PRPF31: variants seen among roughly 807,000 people sequenced by gnomAD.
The protein encoded by PRPF31 is U4/U6 small nuclear ribonucleoprotein Prp31.
Under a neutral mutation model 60.4 loss-of-function variants are expected in PRPF31, and 12 were observed. That is an observed-to-expected ratio of 0.20 (90% CI 0.13 to 0.32). The LOEUF (loss-of-function observed/expected upper bound fraction) is 0.32. PRPF31 is among the 10% of genes least tolerant of loss of function. The pLI, the probability that PRPF31 is intolerant of heterozygous loss-of-function variation, is 1.00. For missense variants in PRPF31, 431 were observed against 687.1 expected, an observed-to-expected ratio of 0.63 and a Z score of 4.17; for synonymous variants, 287 against 287.9, an observed-to-expected ratio of 1.00 and a Z score of 0.03.
intron 7 of PRPF31, 81 bp from the exon 8 acceptor site, chr19:54,124,418 G>C (rs889972871): frequency 1.5e-5 from 19 of 1,258,750 alleles, no homozygotes; most frequent in Middle Eastern, 2.0e-4. Context: ...AGCACACGTC[G>C]AGCCCCCAGG....
intron 13 of PRPF31, among the ~76,000 whole-genome samples, chr19:54,130,938 A>G (rs1366036907): frequency 7.2e-5 from 11 of 151,990 alleles, no homozygotes; most frequent in Admixed American, 7.2e-4. Context: ...GTTGGCTCCC[A>G]TTGCTGCCAC....
chr19:54,128,504 C>CG (rs769962340), intron 11 of PRPF31, 127 bp downstream of exon 11: 20 of 955,518 alleles, frequency 2.1e-5, no homozygotes, highest in Non-Finnish European at 2.8e-5. Context: ...CCCCAGCCTC[C>CG]CCCCCCCCGG....
chr19:54,120,714 G>A (rs587703776), intron 3 of PRPF31, among the ~76,000 whole-genome samples: 191 of 152,280 alleles, frequency 1.3e-3, no homozygotes, highest in Non-Finnish European at 2.0e-3. Flanking sequence ...GGGCTCAGGC[G>A]TTCCTGCCTC....
chr19:54,118,363 G>A lies in PRPF31; in HGVS notation c.85G>A (p.Glu29Lys). ...EGGSYGEEEE[E>K]PAIEDVQEET... ...AGGAAGCTATGGGGAGGAAGAAGAG[G>A]AGCCAGCGATCGAGGATGTGCAGGA... The change falls in exon 2 of 14, where the codon GAG becomes AAG. Residue 29 changes from glutamate to lysine, a missense_variant. By Grantham distance (56) the Glu-to-Lys change is moderately conservative. Transcript: ENST00000321030. The A allele has an allele frequency of 6.2e-7, 1 of 1,614,066 alleles. No individual in the cohort carries two copies. The highest frequency in any genetic ancestry group is 8.5e-7 in the Non-Finnish European group (1 of 1,180,004).
At chr19:54,124,866 C>T (rs1335175774) in intron 8 of PRPF31, 6 of 627,290 alleles carry the variant, frequency 9.6e-6, no homozygotes, top group South Asian at 5.6e-5. Flanking sequence ...GAGGCATGAG[C>T]GCCCTGTGCC....
chr19:54,128,087 G>A lies in PRPF31; in HGVS notation c.960G>A (p.Leu320=), dbSNP rs1219011067. The change falls in exon 10 of 14, where the codon CTG becomes CTA. Residue 320 remains leucine, a synonymous_variant. Transcript: ENST00000321030. ...ESTEGKVGYE[L]KDEIERKFDK... is the part of the protein sequence containing the mutation. The stretch of plus-strand genomic sequence containing the variant: ...GCCCTCCCCAGGTGGGCTACGAACT[G>A]AAGGATGAGATCGAGCGCAAATTCG... 4 of 1,548,960 alleles carry A rather than the reference G, an allele frequency of 2.6e-6. No homozygotes were observed. The highest frequency in any genetic ancestry group is 1.4e-5 in the African/African-American group (1 of 73,228).
rs909141598 is a variant in PRPF31, at chr19:54,116,188, A to G, written c.-9+391A>G. On this transcript the variant is annotated intron_variant, in intron 1 of 13. Transcript: ENST00000321030. ...AGTGCTGTGATTACAGGCATGATCC[A>G]CCGCGCCTGGCCAGTTGTTTGTTTG... Among the ~76,000 whole-genome samples, 20 of 145,398 alleles carry G rather than the reference A, an allele frequency of 1.4e-4. No individual in the cohort carries two copies. The East Asian group carries it at 2.1e-3, about 15-fold the overall frequency.
intron 13 of PRPF31, among the ~76,000 whole-genome samples, chr19:54,130,100 A>G (rs2074016604): frequency 7.4e-6 from 1 of 135,582 alleles, no homozygotes; most frequent in African/African-American, 2.8e-5. Context: ...TGTCCAGTGT[A>G]GGAGAAGGCA....
chr19:54,131,001 T>C (rs1451225606), intron 13 of PRPF31, among the ~76,000 whole-genome samples: 2 of 152,198 alleles, frequency 1.3e-5, no homozygotes, highest in Admixed American at 1.3e-4. Flanking sequence ...GGGCCAGCCA[T>C]GTCCCCCAGG....
At position 54,118,348 on chromosome 19, in the gene PRPF31, G is replaced by C; in HGVS notation, c.70G>C (p.Gly24Arg). Residue 24 changes from glycine (G) to arginine (R), a missense_variant, in exon 2 of 14, where the codon GGG becomes CGG. Transcript: ENST00000321030. The stretch of plus-strand genomic sequence containing the variant: ...AGAAGAGGAGGAAGGAGGAAGCTAT[G>C]GGGAGGAAGAAGAGGAGCCAGCGAT... ...AAEEEEGGSY[G>R]EEEEEPAIED... 1 of 1,614,016 alleles carries C rather than the reference G, an allele frequency of 6.2e-7. No homozygotes were observed. The highest frequency in any genetic ancestry group is 8.5e-7 in the Non-Finnish European group (1 of 1,180,000).
intron 2 of PRPF31, 40 bp downstream of exon 2, chr19:54,118,495 C>T (rs780389006): frequency 3.1e-6 from 5 of 1,613,726 alleles, no homozygotes; most frequent in Admixed American, 1.7e-5. Context: ...GGGCTCTAGA[C>T]AGAATCTCCC....
rs757374570 is a variant in PRPF31 at position 54,123,803 on chromosome 19, G to A, written c.582G>A (p.Ala194=). 4.2e-5 allele frequency: 67 copies of A among 1,612,842 alleles called. No individual in the cohort carries two copies. The Middle Eastern group carries it at 2.5e-3, about 59-fold the overall frequency. ...GGCTGGAGGAGGCCTGCGACATGGC[G>A]CTGGAGCTGAACGCCTCCAAGCACC... is the stretch of plus-strand genomic sequence containing the variant. The part of the protein sequence containing the change: ...LERLEEACDM[A]LELNASKHRI... Residue 194 remains alanine, a synonymous_variant, in exon 7 of 14, where the codon GCG becomes GCA. Transcript: ENST00000321030.
intron 9 of PRPF31, among the ~76,000 whole-genome samples, chr19:54,127,715 A>C (rs1478975965): frequency 6.6e-6 from 1 of 152,200 alleles, no homozygotes; most frequent in Non-Finnish European, 1.5e-5. Context: ...TCGTTTGCCA[A>C]GCACCCGGCC....
chr19:54,126,171 C>T lies in PRPF31; in HGVS notation c.856-357C>T, dbSNP rs587643732. Among the ~76,000 whole-genome samples the T allele has an allele frequency of 5.3e-5, 8 of 152,252 alleles. No individual in the cohort carries two copies. The East Asian group carries it at 9.7e-4, about 18-fold the overall frequency. ...AGGGGGTGCAATGATCACACCAGCC[C>T]GATATTTGAATATTTGATGAGATGA... On this transcript the variant is annotated intron_variant, in intron 8 of 13. Coordinates refer to ENST00000321030, the MANE Select transcript of PRPF31 (RefSeq NM_015629.4).
At chr19:54,128,502 T>G (rs1315887555) in intron 11 of PRPF31, 125 bp downstream of exon 11, 15 of 815,832 alleles carry the variant, frequency 1.8e-5, no homozygotes, top group Non-Finnish European at 1.9e-6. Flanking sequence ...TGCCCCAGCC[T>G]CCCCCCCCCC....
At chr19:54,118,169 G>C (rs962928322) in intron 1 of PRPF31, 102 bp from the exon 2 acceptor site, 5 of 1,541,880 alleles carry the variant, frequency 3.2e-6, no homozygotes, top group Middle Eastern at 2.3e-4. Flanking sequence ...TAGTGGGGTT[G>C]ATAAAGAAGG....
Position 54,129,375 on chromosome 19 carries a change from C to T in PRPF31, c.1374+5C>T, listed in dbSNP as rs746073339. Reference sequence around the variant, plus strand: ...GTGGCCTTCACCCCACTCCAGGTACCTCCCCTGGGCCGGCTCTGTCCCCAG... The same window carrying T: ...GTGGCCTTCACCCCACTCCAGGTACTTCCCCTGGGCCGGCTCTGTCCCCAG... On this transcript the variant is annotated splice_donor_5th_base_variant and intron_variant, in intron 13 of 13. Coordinates refer to ENST00000321030, the MANE Select transcript of PRPF31 (RefSeq NM_015629.4). 16 of 1,588,762 alleles carry T rather than the reference C, an allele frequency of 1.0e-5. No individual in the cohort carries two copies. Among genetic ancestry groups the T allele is most frequent in the Non-Finnish European group, 1.3e-5 (15 of 1,169,056 alleles).
rs373249122 is a variant in PRPF31, at chr19:54,128,345, C to T, written c.1114C>T (p.Arg372Trp). 32 of 1,535,970 alleles carry T rather than the reference C, an allele frequency of 2.1e-5. No individual in the cohort carries two copies. The Admixed American group carries it at 2.2e-4, about 10-fold the overall frequency. ...MKERLGLTEI[R>W]KQANRMSFGE... is the part of the protein sequence containing the mutation. The stretch of plus-strand genomic sequence containing the variant: ...GGAGCGGCTGGGGCTGACGGAGATC[C>T]GGAAGCAGGCCAACCGTATGAGCTT... The change falls in exon 11 of 14, where the codon CGG (arginine) becomes TGG (tryptophan). Residue 372 changes from arginine to tryptophan, a missense_variant. Physicochemically the swap from Arg to Trp is moderately radical, Grantham distance 101 (BLOSUM62 -3). This residue lies in a region of PRPF31 where 314 missense variants were observed against 475.3 expected (regional missense o/e 0.66). Coordinates refer to ENST00000321030, the MANE Select transcript of PRPF31 (RefSeq NM_015629.4).
intron 7 of PRPF31, 200 bp from the exon 8 acceptor site, chr19:54,124,299 G>T: frequency 1.5e-6 from 1 of 652,374 alleles, no homozygotes; most frequent in Admixed American, 2.6e-5. Flanking sequence ...CAGGCCAGCT[G>T]CCCTCCCTCT....
Sources: gnomAD v4.1 joint callset for allele counts (sites outside exome capture counted in the v4.1 genomes callset) on GRCh38, gnomAD v4.1.1 for gene constraint, gnomAD v4.1.1 regional missense constraint, MANE v1.5 for transcripts, NCBI Gene and HGNC (gene_info 2026-07-23, HGNC 2026-07-21) for gene names.